Variants in FSHR observed in about 807,000 individuals in gnomAD.
FSHR encodes the protein follicle stimulating hormone receptor.
Under a neutral mutation model 52.1 loss-of-function variants are expected in FSHR, and 46 were observed. The observed-to-expected ratio is 0.88, with a 90% CI of 0.70 to 1.13. The LOEUF (loss-of-function observed/expected upper bound fraction) is 1.13. Among genes scored for constraint, FSHR ranks in the 50% most tolerant of loss-of-function variants. The pLI is 0.00. For synonymous variants in FSHR, 399 were observed against 309.6 expected (o/e 1.29, Z -3.03); for missense variants, 964 against 834.6 (o/e 1.16, Z -1.91).
At chr2:49,090,334 T>G (rs1259339513) in intron 1 of FSHR, among the ~76,000 whole-genome samples, 2 of 152,212 alleles carry the variant, frequency 1.3e-5, no homozygotes, top group Non-Finnish European at 2.9e-5. Flanking sequence ...TACTATAACT[T>G]TGTCTTTTCT....
intron 2 of FSHR, among the ~76,000 whole-genome samples, chr2:49,066,910 T>C (rs1669522937): frequency 6.6e-6 from 1 of 152,104 alleles, no homozygotes; most frequent in African/African-American, 2.4e-5. Context: ...GAATCGCGAA[T>C]ACATCTTGAG....
At chr2:49,012,732 C>T (rs1440377542) in intron 4 of FSHR, among the ~76,000 whole-genome samples, 2 of 152,104 alleles carry the variant, frequency 1.3e-5, no homozygotes, top group Non-Finnish European at 2.9e-5. Context: ...TTCCTTCATC[C>T]ATTTTGCGTT....
In FSHR at chr2:49,112,325, T is replaced by A. The variant is rs542812972; in HGVS notation, c.152+41941A>T. On this transcript the variant is annotated intron_variant, in intron 1 of 9. Coordinates refer to ENST00000406846, the MANE Select transcript of FSHR (RefSeq NM_000145.4). ...CACAAATATAACACACACAATAGAA[T>A]ACACACACAATAGAACACGGAAATA... Among the ~76,000 whole-genome samples the A allele has an allele frequency of 5.3e-5, 8 of 152,168 alleles. No homozygotes were observed. In the East Asian group the frequency reaches 1.5e-3, roughly 29 times the overall value.
At chr2:49,089,268 G>T (rs538473389) in intron 1 of FSHR, among the ~76,000 whole-genome samples, 1 of 152,132 alleles carries the variant, frequency 6.6e-6, no homozygotes, top group Non-Finnish European at 1.5e-5. Flanking sequence ...GGGATGGAAT[G>T]AAAGCATTTT....
chr2:49,142,440 G>C (rs973042262), intron 1 of FSHR, among the ~76,000 whole-genome samples: 2 of 152,120 alleles, frequency 1.3e-5, no homozygotes, highest in Non-Finnish European at 2.9e-5. Flanking sequence ...AGGGGTCCAG[G>C]GTGACAGGAA....
intron 2 of FSHR, among the ~76,000 whole-genome samples, chr2:49,055,439 A>G (rs1056108326): frequency 7.3e-5 from 11 of 150,766 alleles, no homozygotes; most frequent in Middle Eastern, 3.4e-3. Flanking sequence ...GGAGAAGAGA[A>G]AGGAAAAGGC....
At chr2:48,990,759 G>A (rs1675734543) in intron 4 of FSHR, 122 bp from the exon 5 acceptor site, 2 of 735,050 alleles carry the variant, frequency 2.7e-6, no homozygotes, top group Non-Finnish European at 4.9e-6. Context: ...TACGAGAAAA[G>A]CCCGTATATA....
intron 4 of FSHR, among the ~76,000 whole-genome samples, chr2:48,993,418 G>A (rs764756820): frequency 2.0e-5 from 3 of 151,940 alleles, no homozygotes; most frequent in South Asian, 2.1e-4. Context: ...CTCACGTTCC[G>A]ATATCCAGCC....
chr2:49,059,067 T>C (rs1026165213), intron 2 of FSHR, among the ~76,000 whole-genome samples: 1 of 152,072 alleles, frequency 6.6e-6, no homozygotes. Context: ...TAGCTGAGTA[T>C]GGTGGCACAT....
At chr2:49,086,792 C>T (rs1404007838) in intron 1 of FSHR, among the ~76,000 whole-genome samples, 1 of 152,184 alleles carries the variant, frequency 6.6e-6, no homozygotes, top group Admixed American at 6.5e-5. Flanking sequence ...AGGTGCCCGC[C>T]ATCATGTCTG....
chr2:48,962,753 T>C lies in FSHR; in HGVS notation c.2068A>G (p.Ser690Gly), dbSNP rs775980862. 3 of 1,613,916 alleles carry C rather than the reference T, an allele frequency of 1.9e-6. No individual in the cohort carries two copies. The highest frequency in any genetic ancestry group is 2.5e-6 in the Non-Finnish European group (3 of 1,179,814). The part of the protein sequence containing the change: ...SGSTYILVPL[S>G]HLAQN ...GTGTTTTAGTTTTGGGCTAAATGAC[T>C]TAGAGGGACAAGTATGTAAGTGGAA... The change falls in exon 10 of 10, where the codon AGT (serine) becomes GGT (glycine). Residue 690 changes from serine (S) to glycine (G), a missense_variant. By Grantham distance (56) the Ser-to-Gly change is moderately conservative. Coordinates refer to ENST00000406846, the MANE Select transcript of FSHR (RefSeq NM_000145.4).
At chr2:49,097,347 A>G (rs1670865970) in intron 1 of FSHR, among the ~76,000 whole-genome samples, 1 of 152,184 alleles carries the variant, frequency 6.6e-6, no homozygotes, top group African/African-American at 2.4e-5. Flanking sequence ...TACATCTTCA[A>G]GTTCACTGAC....
intron 4 of FSHR, among the ~76,000 whole-genome samples, chr2:49,009,106 C>G (rs1027578270): frequency 4.6e-5 from 7 of 151,576 alleles, no homozygotes; most frequent in African/African-American, 1.7e-4. Context: ...CTTGCCCATG[C>G]CTATGTCCTG....
At chr2:49,104,517 G>A (rs1002168604) in intron 1 of FSHR, among the ~76,000 whole-genome samples, 2 of 152,112 alleles carry the variant, frequency 1.3e-5, no homozygotes, top group Non-Finnish European at 1.5e-5. Context: ...TTAAGAAAAT[G>A]TTCTTGTTCA....
At position 48,963,816 on chromosome 2, in the gene FSHR, A is replaced by G; in HGVS notation, c.1005T>C (p.Tyr335=). ...CGTCAACCACTTCATTGCATAAGTC[A>G]TAGTCAAACTCAGTGTACGTCATGT... is the stretch of plus-strand genomic sequence containing the variant. The part of the protein sequence containing the change: ...GFDMTYTEFD[Y]DLCNEVVDVT... The change falls in exon 10 of 10, where the codon TAT becomes TAC. Residue 335 remains tyrosine (Y), a synonymous_variant. Transcript: ENST00000406846. 1 of 1,614,166 alleles carries G rather than the reference A, an allele frequency of 6.2e-7. No homozygotes were observed. The highest frequency in any genetic ancestry group is 8.5e-7 in the Non-Finnish European group (1 of 1,180,018).
chr2:48,989,107 C>A (rs1039958370), intron 5 of FSHR, 53 bp from the exon 6 acceptor site: 1 of 1,439,070 alleles, frequency 6.9e-7, no homozygotes, highest in South Asian at 1.2e-5. Flanking sequence ...ACTCATGTAA[C>A]CTTCCAAAAT....
intron 1 of FSHR, among the ~76,000 whole-genome samples, chr2:49,114,288 G>T (rs1671525172): frequency 6.6e-6 from 1 of 152,126 alleles, no homozygotes; most frequent in Admixed American, 6.6e-5. Flanking sequence ...GTGACTGGGG[G>T]CTGATCACCT....
At chr2:49,142,121 T>C (rs541988400) in intron 1 of FSHR, among the ~76,000 whole-genome samples, 37 of 152,358 alleles carry the variant, frequency 2.4e-4, no homozygotes, top group African/African-American at 8.7e-4. Context: ...TCAACTCATA[T>C]ATGTATTGAG....
intron 1 of FSHR, among the ~76,000 whole-genome samples, chr2:49,095,287 C>G (rs1389892037): frequency 6.6e-6 from 1 of 152,042 alleles, no homozygotes; most frequent in Non-Finnish European, 1.5e-5. Flanking sequence ...ACATATAAGT[C>G]AATGGAATAG....
Sources: gnomAD v4.1 joint callset for allele counts (sites outside exome capture counted in the v4.1 genomes callset) on GRCh38, gnomAD v4.1.1 for gene constraint, MANE v1.5 for transcripts, NCBI Gene and HGNC (gene_info 2026-07-23, HGNC 2026-07-21) for gene names.